CYP3A43: variants seen among roughly 807,000 people sequenced by gnomAD.
CYP3A43 encodes the protein cytochrome P450 family 3 subfamily A member 43.
Under a neutral mutation model 58.0 loss-of-function variants are expected in CYP3A43, and 45 were observed. That is an observed-to-expected ratio of 0.78 (90% CI 0.61 to 0.99). The LOEUF (loss-of-function observed/expected upper bound fraction) is 0.99. Ranked by LOEUF, CYP3A43 falls within the 50% of genes least tolerant of loss-of-function variation. The pLI is 0.00. For missense variants in CYP3A43, 593 were observed against 591.9 expected (o/e 1.00, Z -0.02); for synonymous variants, 191 against 201.4 (o/e 0.95, Z 0.44).
intron 7 of CYP3A43, among the ~76,000 whole-genome samples, chr7:99,853,701 C>T (rs911925138): frequency 6.6e-6 from 1 of 152,136 alleles, no homozygotes; most frequent in Non-Finnish European, 1.5e-5. Flanking sequence ...GGACTACAGG[C>T]ATGCAATACT....
At chr7:99,863,094 A>T (rs1180195409) in intron 11 of CYP3A43, among the ~76,000 whole-genome samples, 1 of 152,178 alleles carries the variant, frequency 6.6e-6, no homozygotes, top group East Asian at 1.9e-4. Context: ...CAGGCTATAG[A>T]ACAGTATTAA....
chr7:99,856,872 A>C lies in CYP3A43; in HGVS notation c.838A>C (p.Asn280His). Residue 280 changes from asparagine (N) to histidine (H), a missense_variant, in exon 9 of 13, where the codon AAT (asparagine) becomes CAT (histidine). Asn to His is a moderately conservative substitution (Grantham distance 68). Coordinates refer to ENST00000354829, the MANE Select transcript of CYP3A43 (RefSeq NM_057095.3). ...DFFQQMIDSQ[N>H]SKETKSHKAL... ...CTTTCAACAGATGATCGACTCCCAGAATTCCAAAGAAACAAAGTCCCATAA... is the reference window on the plus strand; with the variant it reads ...CTTTCAACAGATGATCGACTCCCAGCATTCCAAAGAAACAAAGTCCCATAA... The C allele has an allele frequency of 1.2e-6, 2 of 1,614,008 alleles. No homozygotes were observed. Among genetic ancestry groups the C allele is most frequent in the Non-Finnish European group, 1.7e-6 (2 of 1,179,970 alleles).
intron 10 of CYP3A43, 121 bp downstream of exon 10, chr7:99,860,111 A>G (rs1818170869): frequency 8.1e-7 from 1 of 1,232,542 alleles, no homozygotes; most frequent in South Asian, 1.5e-5. Context: ...CATTTACACT[A>G]TGCAGAAAGG....
intron 7 of CYP3A43, among the ~76,000 whole-genome samples, chr7:99,852,715 G>T (rs1817808918): frequency 6.6e-6 from 1 of 152,166 alleles, no homozygotes; most frequent in Non-Finnish European, 1.5e-5. Flanking sequence ...AGGTATCCTT[G>T]TCTCATTCAT....
At chr7:99,851,823 G>A (rs567812016) in intron 7 of CYP3A43, among the ~76,000 whole-genome samples, 19 of 152,206 alleles carry the variant, frequency 1.2e-4, no homozygotes, top group African/African-American at 2.6e-4. Context: ...CACGATTTGC[G>A]TATTTTTCTT....
At chr7:99,852,231 G>A (rs962640803) in intron 7 of CYP3A43, among the ~76,000 whole-genome samples, 1 of 152,196 alleles carries the variant, frequency 6.6e-6, no homozygotes, top group Admixed American at 6.5e-5. Flanking sequence ...AAATTGGGAA[G>A]TATGAGTCCT....
At chr7:99,860,825 C>T (rs1291028046) in intron 10 of CYP3A43, among the ~76,000 whole-genome samples, 1 of 152,130 alleles carries the variant, frequency 6.6e-6, no homozygotes, top group Non-Finnish European at 1.5e-5. Context: ...TACAAAAGAA[C>T]TAGTTTATCC....
At chr7:99,862,382 G>T (rs553564166) in intron 11 of CYP3A43, among the ~76,000 whole-genome samples, 1 of 152,254 alleles carries the variant, frequency 6.6e-6, no homozygotes, top group African/African-American at 2.4e-5. Context: ...GAGATCCTGA[G>T]ACATCCTCAT....
intron 4 of CYP3A43, among the ~76,000 whole-genome samples, chr7:99,846,299 C>G (rs576582369): frequency 6.6e-6 from 1 of 152,078 alleles, no homozygotes; most frequent in African/African-American, 2.4e-5. Flanking sequence ...GCATAGAGAT[C>G]CTGTACGTGT....
Position 99,847,608 on chromosome 7 carries a change from A to C in CYP3A43, c.432+7A>C, listed in dbSNP as rs1197090305. The stretch of plus-strand genomic sequence containing the variant: ...CAGTGTAAAATTCAAGGAAGTAAGA[A>C]AATAAGGTGATTTATAATTAGAAAC... On this transcript the variant is annotated splice_region_variant and intron_variant, in intron 5 of 12. Transcript: ENST00000354829. 6.2e-7 allele frequency: 1 copy of C among 1,613,382 alleles called. No homozygotes were observed. Among genetic ancestry groups the C allele is most frequent in the Non-Finnish European group, 8.5e-7 (1 of 1,179,630 alleles).
At chr7:99,850,881 A>G (rs1817735461) in intron 7 of CYP3A43, among the ~76,000 whole-genome samples, 1 of 152,052 alleles carries the variant, frequency 6.6e-6, no homozygotes, top group Non-Finnish European at 1.5e-5. Flanking sequence ...GATATGCTGC[A>G]TTTTGCGCTA....
At chr7:99,833,609 T>C (rs1816937314) in intron 1 of CYP3A43, among the ~76,000 whole-genome samples, 1 of 152,232 alleles carries the variant, frequency 6.6e-6, no homozygotes, top group Admixed American at 6.5e-5. Context: ...TGGGTTTTTT[T>C]CATATACAAC....
At chr7:99,849,775 C>A in intron 7 of CYP3A43, 81 bp downstream of exon 7, 2 of 1,331,044 alleles carry the variant, frequency 1.5e-6, no homozygotes, top group South Asian at 1.5e-5. Flanking sequence ...AAACAAAATT[C>A]ACATACCATA....
intron 1 of CYP3A43, among the ~76,000 whole-genome samples, chr7:99,833,494 C>T (rs1401074673): frequency 1.3e-5 from 2 of 152,220 alleles, no homozygotes; most frequent in Non-Finnish European, 2.9e-5. Flanking sequence ...GAAACAGGGT[C>T]TTTGCAATGC....
chr7:99,828,197 A>G lies in CYP3A43; in HGVS notation c.71+11A>G, dbSNP rs919714560. ...GGTACTCCTCTATATGTGAGTAACTATGCAGGCATGTTTGCTCTTAACTCT... is the reference window on the plus strand; with the variant it reads ...GGTACTCCTCTATATGTGAGTAACTGTGCAGGCATGTTTGCTCTTAACTCT... On this transcript the variant is annotated intron_variant, in intron 1 of 12. Transcript: ENST00000354829. 1.3e-6 allele frequency: 2 copies of G among 1,589,318 alleles called. No individual in the cohort carries two copies. The highest frequency in any genetic ancestry group is 8.6e-7 in the Non-Finnish European group (1 of 1,165,276).
intron 7 of CYP3A43, among the ~76,000 whole-genome samples, chr7:99,851,821 G>A (rs1052783901): frequency 1.3e-5 from 2 of 152,094 alleles, no homozygotes; most frequent in Non-Finnish European, 2.9e-5. Context: ...TGCACGATTT[G>A]CGTATTTTTC....
chr7:99,850,941 G>A (rs368340144), intron 7 of CYP3A43, among the ~76,000 whole-genome samples: 2 of 152,022 alleles, frequency 1.3e-5, no homozygotes, highest in African/African-American at 4.8e-5. Context: ...GGCCGAGGTG[G>A]GCAGATCACA....
intron 9 of CYP3A43, among the ~76,000 whole-genome samples, chr7:99,858,557 T>G (rs1818086439): frequency 6.6e-6 from 1 of 152,120 alleles, no homozygotes; most frequent in Non-Finnish European, 1.5e-5. Flanking sequence ...AAGATGCTAT[T>G]CGGGCCAGGA....
At chr7:99,864,308 A>G (rs539701833) in intron 12 of CYP3A43, among the ~76,000 whole-genome samples, 7 of 149,116 alleles carry the variant, frequency 4.7e-5, no homozygotes, top group East Asian at 1.9e-4. Context: ...CTTACAGTCC[A>G]AGGCCATCCT....
Sources: allele counts gnomAD v4.1 joint callset (sites outside exome capture counted in the v4.1 genomes callset), GRCh38; gene constraint gnomAD v4.1.1; transcripts MANE v1.5; gene names NCBI Gene and HGNC (gene_info 2026-07-23, HGNC 2026-07-21).